LRBA: variants seen among roughly 807,000 people sequenced by gnomAD.
The protein encoded by LRBA is lipopolysaccharide-responsive and beige-like anchor protein.
Under a neutral mutation model 330.0 loss-of-function variants are expected in LRBA, and 176 were observed. The observed-to-expected ratio is 0.53, with a 90% confidence interval of 0.47 to 0.60. LRBA has a LOEUF of 0.60. Ranked by LOEUF, LRBA falls within the 20% of genes least tolerant of loss-of-function variation. The pLI is 0.00. For missense variants in LRBA, 3,259 were observed against 3,444.8 expected (o/e 0.95, Z 1.35); for synonymous variants, 1,230 against 1,193.0 (o/e 1.03, Z -0.64).
chr4:150,558,778 A>G (rs1391231183), intron 40 of LRBA, among the ~76,000 whole-genome samples: 3 of 152,164 alleles, frequency 2.0e-5, no homozygotes, highest in Non-Finnish European at 4.4e-5. Context: ...TTATTTTTCT[A>G]TGTATCCATT....
chr4:150,732,839 AAT>A (rs1274036597), intron 36 of LRBA, among the ~76,000 whole-genome samples: 1 of 151,954 alleles, frequency 6.6e-6, no homozygotes, highest in African/African-American at 2.4e-5. Flanking sequence ...CAGTTTTCCA[AAT>A]ATGTTTCTGA....
intron 49 of LRBA, among the ~76,000 whole-genome samples, chr4:150,322,983 TTGTGTGTGTCTC>T (rs2039948470): frequency 5.7e-5 from 3 of 52,826 alleles, no homozygotes; most frequent in African/African-American, 1.8e-4. Flanking sequence ...TCTGCTATAT[TTGTGTGTGTCTC>T]TGTGTGTGTG....
At chr4:150,271,187 G>A (rs549727459) in intron 56 of LRBA, among the ~76,000 whole-genome samples, 11 of 152,182 alleles carry the variant, frequency 7.2e-5, no homozygotes, top group African/African-American at 1.9e-4. Context: ...CAGATACTGC[G>A]CTTTTCCCAC....
At chr4:150,845,305 A>T (rs374349047) in intron 26 of LRBA, among the ~76,000 whole-genome samples, 16 of 152,160 alleles carry the variant, frequency 1.1e-4, no homozygotes, top group African/African-American at 3.6e-4. Flanking sequence ...CTAATAGAGG[A>T]TATAGCTTTT....
intron 34 of LRBA, among the ~76,000 whole-genome samples, chr4:150,784,633 G>A (rs1219828472): frequency 1.3e-5 from 2 of 152,156 alleles, no homozygotes; most frequent in African/African-American, 4.8e-5. Context: ...ATACCTGACT[G>A]GTATCCACTG....
At chr4:150,443,872 A>ATATATATATAT (rs1752214909) in intron 44 of LRBA, among the ~76,000 whole-genome samples, 1 of 88,438 alleles carries the variant, frequency 1.1e-5, no homozygotes, top group East Asian at 3.7e-4. Context: ...ATATATATAT[A>ATATATATATAT]TTTTTTTTTT....
chr4:150,445,332 A>T (rs1386805392), intron 44 of LRBA, among the ~76,000 whole-genome samples: 6 of 127,512 alleles, frequency 4.7e-5, no homozygotes, highest in Admixed American at 3.3e-4. Context: ...AACTGGTTTT[A>T]ATTTCGGAAA....
chr4:150,965,600 C>T (rs1738787418), intron 2 of LRBA, among the ~76,000 whole-genome samples: 1 of 152,044 alleles, frequency 6.6e-6, no homozygotes, highest in Non-Finnish European at 1.5e-5. Flanking sequence ...ACTGCAGTGG[C>T]GTGAACACAG....
At chr4:150,844,470 G>A (rs1749558080) in intron 27 of LRBA, among the ~76,000 whole-genome samples, 188 bp downstream of exon 27, 1 of 151,632 alleles carries the variant, frequency 6.6e-6, no homozygotes, top group South Asian at 2.1e-4. Flanking sequence ...GAAAAGCAGA[G>A]AGGTTTAAAT....
intron 37 of LRBA, among the ~76,000 whole-genome samples, chr4:150,663,551 G>GAA (rs796940773): frequency 1.5e-5 from 2 of 134,436 alleles, no homozygotes; most frequent in African/African-American, 2.7e-5. Flanking sequence ...CACTTATGCT[G>GAA]AAAAAAAAAA....
At chr4:150,816,991 A>C in intron 31 of LRBA, 133 bp downstream of exon 31, 1 of 691,696 alleles carries the variant, frequency 1.4e-6, no homozygotes, top group East Asian at 2.7e-5. Context: ...TCAGAAAAGT[A>C]GTAAACAATC....
chr4:150,992,750 T>G (rs1742238281), intron 2 of LRBA, among the ~76,000 whole-genome samples: 1 of 152,168 alleles, frequency 6.6e-6, no homozygotes, highest in Non-Finnish European at 1.5e-5. Flanking sequence ...ATGAGAAACA[T>G]AAAAGGAAAT....
At chr4:150,383,952 C>T (rs1179557907) in intron 47 of LRBA, among the ~76,000 whole-genome samples, 1 of 152,110 alleles carries the variant, frequency 6.6e-6, no homozygotes, top group Non-Finnish European at 1.5e-5. Flanking sequence ...GCTTTAAAAG[C>T]ATATTCAAAT....
chr4:150,517,106 A>T (rs1464751098), intron 40 of LRBA, among the ~76,000 whole-genome samples: 6 of 152,224 alleles, frequency 3.9e-5, no homozygotes, highest in Non-Finnish European at 7.3e-5. Context: ...CAAACATACC[A>T]AGTTGTATAT....
intron 45 of LRBA, 75 bp from the exon 46 acceptor site, chr4:150,435,783 T>G: frequency 8.4e-7 from 1 of 1,185,560 alleles, no homozygotes. Flanking sequence ...TTCTTAGAAC[T>G]AAATACTTTA....
intron 43 of LRBA, among the ~76,000 whole-genome samples, chr4:150,469,953 C>T (rs1217298684): frequency 1.3e-5 from 2 of 152,036 alleles, no homozygotes; most frequent in South Asian, 2.1e-4. Context: ...GAGGTAGAGG[C>T]GGGCAGATAA....
chr4:150,401,706 A>G (rs111916716), intron 47 of LRBA, among the ~76,000 whole-genome samples: 11 of 152,312 alleles, frequency 7.2e-5, no homozygotes, highest in Middle Eastern at 3.4e-3. Flanking sequence ...TTACATCAAC[A>G]TAAGTTTATA....
At chr4:150,759,761 G>C (rs1027409111) in intron 35 of LRBA, among the ~76,000 whole-genome samples, 1 of 151,664 alleles carries the variant, frequency 6.6e-6, no homozygotes, top group Non-Finnish European at 1.5e-5. Context: ...GTTTATTGCT[G>C]TATCCTCCGT....
intron 37 of LRBA, among the ~76,000 whole-genome samples, chr4:150,626,439 TACA>T (rs989700907): frequency 2.0e-5 from 3 of 152,226 alleles, no homozygotes; most frequent in Non-Finnish European, 4.4e-5. Context: ...TGTTTATCAA[TACA>T]ACATTAATTC....
Sources: allele counts gnomAD v4.1 joint callset (sites outside exome capture counted in the v4.1 genomes callset), GRCh38; gene constraint gnomAD v4.1.1; transcripts MANE v1.5; gene names NCBI Gene and HGNC (gene_info 2026-07-23, HGNC 2026-07-21).